The following GRID2 variants were observed in gnomAD, a reference collection of about 807,000 sequenced individuals.
The protein encoded by GRID2 is glutamate ionotropic receptor delta type subunit 2, also known as glutamate receptor ionotropic, delta-2.
A neutral mutation model predicts 114.8 loss-of-function variants in GRID2; 33 were observed. That is an observed-to-expected ratio of 0.29 (90% CI 0.22 to 0.38). The LOEUF (loss-of-function observed/expected upper bound fraction) is 0.38, where lower values mean the gene tolerates loss of function less well. GRID2 is among the 10% of genes least tolerant of loss of function. The pLI is 1.00. For synonymous variants in GRID2, 505 were observed against 449.9 expected, an observed-to-expected ratio of 1.12 and a Z score of -1.55; for missense variants, 1,184 against 1,257.7, an observed-to-expected ratio of 0.94 and a Z score of 0.89.
At chr4:92,561,763 A>G (rs1262683158) in intron 1 of GRID2, among the ~76,000 whole-genome samples, 1 of 152,164 alleles carries the variant, frequency 6.6e-6, no homozygotes, top group Non-Finnish European at 1.5e-5. Context: ...TTATTCTCTT[A>G]CATCAACCAT....
intron 2 of GRID2, among the ~76,000 whole-genome samples, chr4:92,716,907 G>A (rs1460748904): frequency 6.6e-6 from 1 of 152,164 alleles, no homozygotes; most frequent in South Asian, 2.1e-4. Flanking sequence ...TATCAGCAAA[G>A]CAATCTAAAT....
chr4:92,844,403 G>C (rs1743139673), intron 2 of GRID2, among the ~76,000 whole-genome samples: 2 of 152,046 alleles, frequency 1.3e-5, no homozygotes, highest in South Asian at 2.1e-4. Flanking sequence ...AGCCAAGCGT[G>C]GTGGCAGGCG....
intron 1 of GRID2, among the ~76,000 whole-genome samples, chr4:92,562,554 A>T (rs919311624): frequency 1.3e-5 from 2 of 152,048 alleles, no homozygotes; most frequent in Non-Finnish European, 2.9e-5. Flanking sequence ...GTCAATTCTC[A>T]TTTTTTCTGC....
intron 11 of GRID2, among the ~76,000 whole-genome samples, chr4:93,467,173 G>C (rs970994760): frequency 6.6e-6 from 1 of 152,152 alleles, no homozygotes; most frequent in African/African-American, 2.4e-5. Flanking sequence ...AGTTTGAAGT[G>C]AAGAACATGC....
chr4:92,992,276 T>C (rs1754954065), intron 2 of GRID2, among the ~76,000 whole-genome samples: 1 of 152,102 alleles, frequency 6.6e-6, no homozygotes, highest in Non-Finnish European at 1.5e-5. Context: ...GAGGGGGGCA[T>C]TATAGTGATG....
At chr4:93,637,615 C>A (rs1430167716) in intron 14 of GRID2, among the ~76,000 whole-genome samples, 1 of 152,048 alleles carries the variant, frequency 6.6e-6, no homozygotes, top group Non-Finnish European at 1.5e-5. Context: ...ATGCCAATAA[C>A]AAAGGGTCCT....
intron 3 of GRID2, among the ~76,000 whole-genome samples, chr4:93,102,047 T>G (rs1731751238): frequency 6.6e-6 from 1 of 151,978 alleles, no homozygotes; most frequent in Admixed American, 6.6e-5. Context: ...AGATGTTTGC[T>G]TTAAAAAAAA....
At chr4:92,317,917 A>G (rs1427279849) in intron 1 of GRID2, among the ~76,000 whole-genome samples, 1 of 152,198 alleles carries the variant, frequency 6.6e-6, no homozygotes, top group African/African-American at 2.4e-5. Flanking sequence ...CATCATATTT[A>G]TGGTGATTTT....
rs1467753850 is a variant in GRID2, at chr4:93,719,420, GA to G, written c.2361-49786del. Among the ~76,000 whole-genome samples, 3 of 151,740 alleles carry G rather than the reference GA, an allele frequency of 2.0e-5. No homozygotes were observed. The South Asian group carries it at 6.3e-4, about 32-fold the overall frequency. On this transcript the variant is annotated intron_variant, in intron 14 of 15. Transcript: ENST00000282020. Reference sequence around the variant, plus strand: ...TCCAAGGGACTTTTTTTTTTAAGGAGAAAACTGCTAAATGCTCCAAAGGCTC... The same window carrying G: ...TCCAAGGGACTTTTTTTTTTAAGGAGAAACTGCTAAATGCTCCAAAGGCTC...
chr4:92,716,713 T>G (rs1181402675), intron 2 of GRID2, among the ~76,000 whole-genome samples: 1 of 152,186 alleles, frequency 6.6e-6, no homozygotes, highest in Non-Finnish European at 1.5e-5. Flanking sequence ...AGTGGTTTGC[T>G]CTCCTGAGGA....
chr4:92,497,135 C>G (rs1723428229), intron 1 of GRID2, among the ~76,000 whole-genome samples: 1 of 151,400 alleles, frequency 6.6e-6, no homozygotes, highest in African/African-American at 2.4e-5. Flanking sequence ...GATAACTTTC[C>G]TCTGGTTAAA....
In GRID2 at chr4:92,442,420, G is replaced by A. The variant is rs564556364; in HGVS notation, c.88+137676G>A. ...GGCCCGGTGGCCAGATTTCCGGCAA[G>A]TGTAGCAAGCTCCTTGGGGAGGAGG... On this transcript the variant is annotated intron_variant, in intron 1 of 15. Coordinates refer to ENST00000282020, the MANE Select transcript of GRID2 (RefSeq NM_001510.4). Among the ~76,000 whole-genome samples, 232 of 151,986 alleles carry A rather than the reference G, an allele frequency of 1.5e-3. 2 individuals carry two copies. The highest frequency in any genetic ancestry group is 6.9e-4 in the Non-Finnish European group (47 of 67,936).
intron 13 of GRID2, among the ~76,000 whole-genome samples, chr4:93,539,607 T>G (rs377404071): frequency 6.6e-6 from 1 of 152,094 alleles, no homozygotes; most frequent in East Asian, 1.9e-4. Context: ...GGTAACACAG[T>G]ATCTCATAAC....
intron 1 of GRID2, among the ~76,000 whole-genome samples, chr4:92,410,969 C>A (rs528507179): frequency 4.3e-4 from 64 of 148,494 alleles, no homozygotes; most frequent in Non-Finnish European, 7.1e-4. Flanking sequence ...TGTCAAACTT[C>A]TGAAAAAAAC....
rs183160411 is a variant in GRID2 at position 92,441,723 on chromosome 4, G to T, written c.88+136979G>T. 8.5e-5 allele frequency among the ~76,000 whole-genome samples: 13 copies of T among 152,144 alleles called. No individual in the cohort carries two copies. In the East Asian group the frequency reaches 1.2e-3, roughly 14 times the overall value. On this transcript the variant is annotated intron_variant, in intron 1 of 15. Transcript: ENST00000282020. ...AGGGATGGGATATTGGCATTGAGTG[G>T]GGTAAGGGTGATTAGGTTTTAATGA... is the stretch of plus-strand genomic sequence containing the variant.
At chr4:93,015,645 T>C (rs893386629) in intron 2 of GRID2, among the ~76,000 whole-genome samples, 2 of 152,170 alleles carry the variant, frequency 1.3e-5, no homozygotes, top group Admixed American at 6.6e-5. Context: ...GGTGCTATTA[T>C]GAATTTTCAT....
intron 2 of GRID2, among the ~76,000 whole-genome samples, chr4:92,833,449 A>G (rs2149401533): frequency 6.6e-6 from 1 of 152,350 alleles, no homozygotes; most frequent in East Asian, 1.9e-4. Context: ...ACAATTCAGC[A>G]AATTACTTCA....
intron 2 of GRID2, among the ~76,000 whole-genome samples, chr4:92,654,406 A>G (rs546983311): frequency 6.6e-6 from 1 of 152,164 alleles, no homozygotes; most frequent in Non-Finnish European, 1.5e-5. Flanking sequence ...GATTTCAAGG[A>G]GATACAAAGA....
intron 8 of GRID2, among the ~76,000 whole-genome samples, chr4:93,359,706 GAT>G (rs1283792815): frequency 6.8e-6 from 1 of 145,990 alleles, no homozygotes; most frequent in Non-Finnish European, 1.5e-5. Context: ...TCAACATAAT[GAT>G]CTCTGGGCTT....
Sources: gnomAD v4.1 joint callset for allele counts (sites outside exome capture counted in the v4.1 genomes callset) on GRCh38, gnomAD v4.1.1 for gene constraint, MANE v1.5 for transcripts, NCBI Gene and HGNC (gene_info 2026-07-23, HGNC 2026-07-21) for gene names.